Variants in RYR3 observed in about 807,000 individuals in gnomAD.
RYR3 encodes the protein brain ryanodine receptor-calcium release channel.
In RYR3, 207 loss-of-function variants were observed where a neutral mutation model predicts 584.3. The observed-to-expected ratio is 0.35, with a 90% CI of 0.32 to 0.40. The LOEUF is 0.40. Among genes scored for constraint, RYR3 ranks in the 10% least tolerant of loss-of-function variants. The pLI, the probability that RYR3 is intolerant of heterozygous loss-of-function variation, is 1.00. For synonymous variants in RYR3, 2,416 were observed against 2,248.5 expected (o/e 1.07, Z -2.11); for missense variants, 5,616 against 6,089.2 (o/e 0.92, Z 2.59).
intron 86 of RYR3, among the ~76,000 whole-genome samples, chr15:33,833,546 A>T (rs1011861595): frequency 6.6e-6 from 1 of 152,248 alleles, no homozygotes; most frequent in African/African-American, 2.4e-5. Context: ...CTGAAGTTTC[A>T]CAAAATGCAG....
chr15:33,433,152 G>C (rs2045349598), intron 1 of RYR3, among the ~76,000 whole-genome samples: 2 of 152,126 alleles, frequency 1.3e-5, no homozygotes, highest in Admixed American at 1.3e-4. Flanking sequence ...TATGCTGTAT[G>C]TATTCAGGTA....
At chr15:33,435,188 T>C (rs1367704841) in intron 1 of RYR3, among the ~76,000 whole-genome samples, 1 of 152,182 alleles carries the variant, frequency 6.6e-6, no homozygotes, top group Non-Finnish European at 1.5e-5. Flanking sequence ...TCACTAGGGC[T>C]TGTTGTACAG....
At chr15:33,799,197 A>G (rs1159323186) in intron 67 of RYR3, among the ~76,000 whole-genome samples, 1 of 152,226 alleles carries the variant, frequency 6.6e-6, no homozygotes, top group African/African-American at 2.4e-5. Flanking sequence ...GATGAAAGGA[A>G]CATCTTCTGT....
At chr15:33,453,063 G>GT (rs200105349) in intron 1 of RYR3, among the ~76,000 whole-genome samples, 1 of 32,776 alleles carries the variant, frequency 3.1e-5, no homozygotes, top group Non-Finnish European at 7.3e-5. Context: ...TGAAACTAGG[G>GT]TTTTTTTCCT....
At chr15:33,864,036 C>T (rs962046657) in intron 102 of RYR3, 102 bp from the exon 103 acceptor site, 54 of 770,240 alleles carry the variant, frequency 7.0e-5, no homozygotes, top group Non-Finnish European at 1.0e-4. Flanking sequence ...CTGTAGATAG[C>T]GTGGGACCAA....
At chr15:33,612,509 C>A (rs949572627) in intron 18 of RYR3, among the ~76,000 whole-genome samples, 3 of 152,170 alleles carry the variant, frequency 2.0e-5, no homozygotes, top group Admixed American at 1.3e-4. Flanking sequence ...TACAGGCATG[C>A]GCCACCACAC....
At chr15:33,564,488 A>G (rs2057590496) in intron 11 of RYR3, among the ~76,000 whole-genome samples, 1 of 152,188 alleles carries the variant, frequency 6.6e-6, no homozygotes. Flanking sequence ...CACGCTGGGA[A>G]TAAGAACAAA....
At chr15:33,666,127 C>T (rs1381899475) in intron 36 of RYR3, among the ~76,000 whole-genome samples, 1 of 152,164 alleles carries the variant, frequency 6.6e-6, no homozygotes, top group African/African-American at 2.4e-5. Flanking sequence ...GCCTCAGCCT[C>T]CCAAGTAGCT....
intron 5 of RYR3, among the ~76,000 whole-genome samples, chr15:33,536,802 C>T (rs1330943114): frequency 6.6e-6 from 1 of 152,224 alleles, no homozygotes; most frequent in Non-Finnish European, 1.5e-5. Context: ...TGCCCTCCCT[C>T]CTTTGGATGC....
intron 3 of RYR3, among the ~76,000 whole-genome samples, chr15:33,505,557 T>A (rs889488822): frequency 2.6e-5 from 4 of 152,192 alleles, no homozygotes; most frequent in Admixed American, 1.3e-4. Flanking sequence ...AGTGGTAAGA[T>A]CTCTGCTCAC....
At chr15:33,470,397 A>G (rs902865855) in intron 1 of RYR3, among the ~76,000 whole-genome samples, 1 of 152,154 alleles carries the variant, frequency 6.6e-6, no homozygotes, top group African/African-American at 2.4e-5. Flanking sequence ...CAAGCTGAAA[A>G]TAAGTTACCA....
chr15:33,701,707 T>G (rs1025977025), intron 42 of RYR3, among the ~76,000 whole-genome samples: 7 of 151,926 alleles, frequency 4.6e-5, no homozygotes, highest in South Asian at 2.1e-4. Context: ...GTCATCATTA[T>G]GTAGGGGGTT....
chr15:33,818,814 A>G (rs1354275243), intron 76 of RYR3, 130 bp downstream of exon 76: 4 of 665,260 alleles, frequency 6.0e-6, no homozygotes, highest in African/African-American at 1.8e-5. Context: ...TTGCTGCCTT[A>G]TATTTGGCCA....
intron 2 of RYR3, among the ~76,000 whole-genome samples, chr15:33,485,851 A>G (rs972001018): frequency 1.3e-5 from 2 of 152,208 alleles, no homozygotes; most frequent in African/African-American, 4.8e-5. Context: ...GGGGCAAAAG[A>G]GTTGAGGAGA....
chr15:33,379,736 C>T (rs565346469), intron 1 of RYR3, among the ~76,000 whole-genome samples: 3 of 147,904 alleles, frequency 2.0e-5, no homozygotes, highest in Non-Finnish European at 3.0e-5. Flanking sequence ...TTGGCTCATA[C>T]GATTACAAGG....
chr15:33,612,012 G>A (rs563412788), intron 18 of RYR3, among the ~76,000 whole-genome samples: 1 of 152,242 alleles, frequency 6.6e-6, no homozygotes, highest in Admixed American at 6.5e-5. Context: ...TATTATTTCT[G>A]TAATCAAGAA....
At chr15:33,668,644 C>G (rs1423769057) in intron 36 of RYR3, among the ~76,000 whole-genome samples, 1 of 152,098 alleles carries the variant, frequency 6.6e-6, no homozygotes, top group Middle Eastern at 3.2e-3. Context: ...TGTGTTAACT[C>G]TTATTACTGT....
intron 38 of RYR3, among the ~76,000 whole-genome samples, chr15:33,681,120 C>T (rs1160427125): frequency 6.6e-6 from 1 of 152,192 alleles, no homozygotes; most frequent in African/African-American, 2.4e-5. Flanking sequence ...GCTGCCTCAA[C>T]AATACATAGA....
At chr15:33,404,089 T>A (rs2042859431) in intron 1 of RYR3, among the ~76,000 whole-genome samples, 1 of 152,212 alleles carries the variant, frequency 6.6e-6, no homozygotes, top group Non-Finnish European at 1.5e-5. Flanking sequence ...ATTTGAGGGA[T>A]GAATTTGGTC....
Sources: allele counts gnomAD v4.1 joint callset (sites outside exome capture counted in the v4.1 genomes callset), GRCh38; gene constraint gnomAD v4.1.1; transcripts MANE v1.5; gene names NCBI Gene and HGNC (gene_info 2026-07-23, HGNC 2026-07-21).